The following GSDME variants were observed in gnomAD, a reference collection of about 807,000 sequenced individuals.
GSDME encodes the protein gasdermin-E.
A neutral mutation model predicts 47.5 loss-of-function variants in GSDME; 44 were observed. The ratio of observed to expected loss-of-function variants is 0.93; its 90% CI spans 0.73 to 1.19. The LOEUF (loss-of-function observed/expected upper bound fraction) is 1.19, where lower values mean the gene tolerates loss of function less well. GSDME is among the 50% of genes most tolerant of loss of function. The pLI is 0.00. For missense variants in GSDME, 663 were observed against 604.2 expected (o/e 1.10, Z -1.02); for synonymous variants, 258 against 252.8 (o/e 1.02, Z -0.20).
intron 9 of GSDME, among the ~76,000 whole-genome samples, chr7:24,700,574 T>C (rs1788823700): frequency 6.6e-6 from 1 of 152,210 alleles, no homozygotes; most frequent in Admixed American, 6.5e-5. Context: ...GTCATGCAGC[T>C]TGTCCAGGTA....
At chr7:24,719,251 T>A in intron 3 of GSDME, 33 bp from the exon 4 acceptor site, 2 of 1,599,640 alleles carry the variant, frequency 1.3e-6, no homozygotes, top group Admixed American at 1.7e-5. Context: ...AGTGGCTTAG[T>A]GCCTCAGGGG....
Position 24,698,946 on chromosome 7 carries a change from C to G in GSDME, c.*80G>C. The G allele has an allele frequency of 5.1e-6, 5 of 981,692 alleles. No homozygotes were observed. Among genetic ancestry groups the G allele is most frequent in the Non-Finnish European group, 8.0e-6 (5 of 624,732 alleles). The allele number at this position is 981,692 out of a possible 1,614,324, so 60.8% of individuals were successfully genotyped here. ...TCTGTAAATTCATTTCATTGGTCAA[C>G]TTTTAACGTGCATATGACCTTTAAC... On this transcript the variant is annotated 3_prime_UTR_variant, in exon 10 of 10. Transcript: ENST00000645220.
chr7:24,761,067 C>T (rs1791159034), upstream of GSDME, among the ~76,000 whole-genome samples: 1 of 152,140 alleles, frequency 6.6e-6, no homozygotes, highest in African/African-American at 2.4e-5. This position sits in a 1 kb window ranked among gnomAD's most constrained non-coding sequence, Gnocchi z 4.4. Flanking sequence ...AACAAACTAC[C>T]CCAAAACTTA....
chr7:24,776,534 G>A, the GSDME span, among the ~76,000 whole-genome samples: 1 of 152,134 alleles, frequency 6.6e-6, no homozygotes, highest in Admixed American at 6.5e-5. Context: ...TTATTTTGAA[G>A]CAAATCCTAG....
rs1408983750 is a variant in GSDME, at chr7:24,735,706, C to T, written c.404+8856G>A. 6.6e-6 allele frequency among the ~76,000 whole-genome samples: 1 copy of T among 151,316 alleles called. No individual in the cohort carries two copies. Among genetic ancestry groups the T allele is most frequent in the Admixed American group, 6.6e-5 (1 of 15,174 alleles). On this transcript the variant is annotated intron_variant, in intron 3 of 9. Coordinates refer to ENST00000645220, the MANE Select transcript of GSDME (RefSeq NM_001127453.2). The surrounding 1 kb of genome is among the most constrained non-coding windows in gnomAD (Gnocchi z 4.4). ...CTGGGAGGTAGAGGTTGCGATGAGC[C>T]GAGATTGCACCACTGCACTCCAGCC...
At chr7:24,762,038 G>C (rs931306614), upstream of GSDME, among the ~76,000 whole-genome samples, 4 of 152,040 alleles carry the variant, frequency 2.6e-5, no homozygotes, top group Non-Finnish European at 2.9e-5. Context: ...TAGATCAGTT[G>C]AGCCCAGGAG....
At chr7:24,765,857 A>G in the GSDME span, among the ~76,000 whole-genome samples, 1 of 152,128 alleles carries the variant, frequency 6.6e-6, no homozygotes, top group Non-Finnish European at 1.5e-5. Context: ...ATAAATTATT[A>G]TTGTCCCTAT....
chr7:24,790,774 G>A, the GSDME span, among the ~76,000 whole-genome samples: 3 of 152,234 alleles, frequency 2.0e-5, no homozygotes, highest in South Asian at 2.1e-4. The surrounding 1 kb of genome is among the most constrained non-coding windows in gnomAD (Gnocchi z 4.1). Flanking sequence ...TACATCCCTT[G>A]TACTGGGTGG....
upstream of GSDME, among the ~76,000 whole-genome samples, chr7:24,762,190 G>C (rs1203753007): frequency 6.6e-6 from 1 of 150,878 alleles, no homozygotes; most frequent in Non-Finnish European, 1.5e-5. Context: ...GGAAGTTGAG[G>C]GTGCAGTGAG....
At chr7:24,748,269 C>T (rs1790739772) in intron 2 of GSDME, among the ~76,000 whole-genome samples, 1 of 151,328 alleles carries the variant, frequency 6.6e-6, no homozygotes. Flanking sequence ...AAGCGATTCT[C>T]CTGCCTCGGC....
chr7:24,762,542 C>T (rs1443612244), upstream of GSDME, among the ~76,000 whole-genome samples: 1 of 152,062 alleles, frequency 6.6e-6, no homozygotes, highest in Non-Finnish European at 1.5e-5. Context: ...ATGCACCTAA[C>T]ATCTTTTTAA....
chr7:24,734,080 TAG>T (rs982903704), intron 3 of GSDME, among the ~76,000 whole-genome samples: 1 of 152,166 alleles, frequency 6.6e-6, no homozygotes, highest in South Asian at 2.1e-4. Context: ...CAGCTTAGCA[TAG>T]AGAGAGACTC....
At chr7:24,792,277 G>C in the GSDME span, among the ~76,000 whole-genome samples, 1 of 152,106 alleles carries the variant, frequency 6.6e-6, no homozygotes, top group African/African-American at 2.4e-5. Flanking sequence ...AAACTGGTTG[G>C]GGCAGTCCAT....
At chr7:24,777,670 T>C in the GSDME span, among the ~76,000 whole-genome samples, 1 of 152,044 alleles carries the variant, frequency 6.6e-6, no homozygotes, top group East Asian at 1.9e-4. Flanking sequence ...TGGTGTCTCA[T>C]GGTGTGACAA....
At chr7:24,774,559 G>C in the GSDME span, among the ~76,000 whole-genome samples, 2 of 151,672 alleles carry the variant, frequency 1.3e-5, no homozygotes, top group Non-Finnish European at 2.9e-5. Context: ...TTAAGATGGA[G>C]TCTCGCTCTG....
At chr7:24,777,178 T>G in the GSDME span, among the ~76,000 whole-genome samples, 1 of 152,166 alleles carries the variant, frequency 6.6e-6, no homozygotes. Context: ...CTTACACGGG[T>G]TGAACTCTTC....
intron 2 of GSDME, among the ~76,000 whole-genome samples, chr7:24,746,079 A>G (rs1790658120): frequency 6.6e-6 from 1 of 151,884 alleles, no homozygotes; most frequent in Admixed American, 6.6e-5. Context: ...CTTCACCTAC[A>G]CTTCTTCCAC....
At chr7:24,702,258 C>T (rs1788899295) in intron 9 of GSDME, among the ~76,000 whole-genome samples, 1 of 152,218 alleles carries the variant, frequency 6.6e-6, no homozygotes, top group African/African-American at 2.4e-5. Context: ...CTAACTCATG[C>T]TCTTAGAATG....
chr7:24,792,280 C>A, the GSDME span, among the ~76,000 whole-genome samples: 1 of 152,170 alleles, frequency 6.6e-6, no homozygotes, highest in East Asian at 1.9e-4. Context: ...CTGGTTGGGG[C>A]AGTCCATCCT....
Sources: gnomAD v4.1 joint callset for allele counts (sites outside exome capture counted in the v4.1 genomes callset) on GRCh38, gnomAD v4.1.1 for gene constraint, Gnocchi (gnomAD v3.1) non-coding constraint, MANE v1.5 for transcripts, NCBI Gene and HGNC (gene_info 2026-07-23, HGNC 2026-07-21) for gene names.